The following GPCPD1 variants were observed in gnomAD, a reference collection of about 807,000 sequenced individuals.
GPCPD1 encodes the protein glycerophosphocholine phosphodiesterase 1, also known as glycerophosphocholine phosphodiesterase GPCPD1.
In GPCPD1, 29 loss-of-function variants were observed where a neutral mutation model predicts 89.2. That is an observed-to-expected ratio of 0.33 (90% CI 0.24 to 0.44). GPCPD1 has a LOEUF of 0.44. GPCPD1 is among the 20% of genes least tolerant of loss of function. GPCPD1 has a pLI of 1.00. For missense variants in GPCPD1, 594 were observed against 808.9 expected (o/e 0.73, Z 3.22); for synonymous variants, 258 against 266.3 (o/e 0.97, Z 0.30).
rs866009014 is a variant in GPCPD1, at chr20:5,547,732, G to A, written c.1948C>T (p.Pro650Ser). 5.0e-6 allele frequency: 8 copies of A among 1,610,670 alleles called. No homozygotes were observed. The highest frequency in any genetic ancestry group is 1.7e-5 in the Admixed American group (1 of 59,938). The change falls in exon 20 of 20, where the codon CCC becomes TCC. Residue 650 changes from proline (P) to serine (S), a missense_variant. By Grantham distance (74) the Pro-to-Ser change is moderately conservative. Transcript: ENST00000379019. The part of the protein sequence containing the change: ...CLCPTVSRFV[P>S]SSLCGESDIH... ...TCAGACTCCCCACACAAAGATGAGGGAACAAAGCGGCTAACAGTGGGACAC... is the reference window on the plus strand; with the variant it reads ...TCAGACTCCCCACACAAAGATGAGGAAACAAAGCGGCTAACAGTGGGACAC...
intron 8 of GPCPD1, among the ~76,000 whole-genome samples, chr20:5,577,214 G>A (rs1978293377): frequency 6.6e-6 from 1 of 151,828 alleles, no homozygotes; most frequent in African/African-American, 2.4e-5. Flanking sequence ...ACAGTCACGC[G>A]CCAACACGCC....
intron 1 of GPCPD1, among the ~76,000 whole-genome samples, chr20:5,608,207 T>A (rs1980725374): frequency 6.6e-6 from 1 of 152,202 alleles, no homozygotes; most frequent in Non-Finnish European, 1.5e-5. Flanking sequence ...TTGAGTCTTT[T>A]ATTCTCAAAG....
At chr20:5,562,407 C>T (rs1986138279) in intron 15 of GPCPD1, among the ~76,000 whole-genome samples, 1 of 152,144 alleles carries the variant, frequency 6.6e-6, no homozygotes, top group Non-Finnish European at 1.5e-5. Flanking sequence ...CTCAGCCTCC[C>T]AAGTAGCTGG....
At chr20:5,556,922 A>T (rs1317538607) in intron 19 of GPCPD1, among the ~76,000 whole-genome samples, 1 of 152,224 alleles carries the variant, frequency 6.6e-6, no homozygotes, top group Non-Finnish European at 1.5e-5. Context: ...TGTAACACAG[A>T]ATATGTGGTG....
Position 5,547,842 on chromosome 20 carries a change from T to A in GPCPD1, c.1838A>T (p.Asp613Val). Reference sequence around the variant, plus strand: ...TATATTTGGTTGTTCAGGCATCCAATCATATATCCTATGATGAAACAAATA... The same window carrying A: ...TATATTTGGTTGTTCAGGCATCCAAACATATATCCTATGATGAAACAAATA... ...VNGLIYDRIY[D>V]WMPEQPNIFQ... Residue 613 changes from aspartate to valine, a missense_variant, in exon 20 of 20, where the codon GAT (aspartate) becomes GTT (valine). Asp to Val is a radical substitution (Grantham distance 152). Transcript: ENST00000379019. 1 of 1,579,388 alleles carries A rather than the reference T, an allele frequency of 6.3e-7. No homozygotes were observed. The highest frequency in any genetic ancestry group is 1.3e-5 in the African/African-American group (1 of 74,348).
At chr20:5,610,635 T>C (rs1980903467) in intron 1 of GPCPD1, among the ~76,000 whole-genome samples, 1 of 151,890 alleles carries the variant, frequency 6.6e-6, no homozygotes, top group Admixed American at 6.6e-5. Flanking sequence ...ACAATAAAAG[T>C]CGAAGAGTGC....
chr20:5,598,601 A>G lies in GPCPD1; in HGVS notation c.146+124T>C, dbSNP rs1284738559. 4.9e-6 allele frequency: 3 copies of G among 612,866 alleles called. No homozygotes were observed. In the African/African-American group the frequency reaches 5.6e-5, roughly 11 times the overall value. 38.0% of individuals were successfully genotyped at this position (612,866 alleles called of 1,614,324 possible). On this transcript the variant is annotated intron_variant, in intron 3 of 19. Coordinates refer to ENST00000379019, the MANE Select transcript of GPCPD1 (RefSeq NM_019593.5). ...GTAAAATTATTTCACTCATAAAACT[A>G]TGCAACGTGATAATGTTGATAAAAA... is the stretch of plus-strand genomic sequence containing the variant.
intron 2 of GPCPD1, among the ~76,000 whole-genome samples, chr20:5,602,373 G>A (rs138202820): frequency 0.012 from 1,803 of 152,270 alleles, 60 homozygotes; most frequent in Admixed American, 0.061. Flanking sequence ...AGAAAATTCC[G>A]TCTTCTCTCC....
In GPCPD1 at chr20:5,593,309, T is replaced by C. The variant is rs1197437801; in HGVS notation, c.231+18A>G. 7.9e-7 allele frequency: 1 copy of C among 1,267,818 alleles called. No individual in the cohort carries two copies. 78.5% of individuals were successfully genotyped at this position (1,267,818 alleles called of 1,614,324 possible). On this transcript the variant is annotated intron_variant, in intron 4 of 19. Transcript: ENST00000379019. ...AGGAAGTGCTAAAGGAATTGGAAAC[T>C]AGATAAAGAAAACATACCTTTGGTT...
intron 2 of GPCPD1, among the ~76,000 whole-genome samples, chr20:5,601,457 C>T (rs937737973): frequency 6.7e-6 from 1 of 149,646 alleles, no homozygotes; most frequent in Admixed American, 6.7e-5. Flanking sequence ...CAACTTCTAC[C>T]TCCAGGGTTC....
rs766813361 is a variant in GPCPD1 at position 5,545,215 on chromosome 20, T to C, written c.*2446A>G. 1 of 152,172 alleles carries C rather than the reference T, an allele frequency of 6.6e-6. No homozygotes were observed. Among genetic ancestry groups the C allele is most frequent in the Non-Finnish European group, 1.5e-5 (1 of 68,028 alleles). The allele number at this position is 152,172 out of a possible 1,614,324, so 9.4% of individuals were successfully genotyped here. A position where few individuals can be genotyped will look rare whatever the true frequency, so the allele number is the denominator to read the frequency against. Reference sequence around the variant, plus strand: ...TTCTTAGTAAACATAACTAAATCTCTTAATTCAAAAGGACATTTGATACAA... The same window carrying C: ...TTCTTAGTAAACATAACTAAATCTCCTAATTCAAAAGGACATTTGATACAA... On this transcript the variant is annotated 3_prime_UTR_variant, in exon 20 of 20. Transcript: ENST00000379019.
intron 19 of GPCPD1, among the ~76,000 whole-genome samples, chr20:5,552,137 T>C (rs999806420): frequency 1.3e-5 from 2 of 152,082 alleles, no homozygotes; most frequent in Non-Finnish European, 1.5e-5. Flanking sequence ...ATTTGAATTT[T>C]AAAACTATAT....
chr20:5,551,442 CTA>C (rs1985404782), intron 19 of GPCPD1, among the ~76,000 whole-genome samples: 1 of 152,152 alleles, frequency 6.6e-6, no homozygotes. Flanking sequence ...CACAGCAACA[CTA>C]TAAAATAGCA....
intron 13 of GPCPD1, 38 bp downstream of exon 13, chr20:5,567,445 G>C (rs1181982495): frequency 6.5e-7 from 1 of 1,546,138 alleles, no homozygotes; most frequent in African/African-American, 1.4e-5. Context: ...TAGTCCTAAA[G>C]CTAAGGGATA....
chr20:5,576,954 C>T (rs540834680), intron 8 of GPCPD1, among the ~76,000 whole-genome samples: 1 of 152,060 alleles, frequency 6.6e-6, no homozygotes, highest in African/African-American at 2.4e-5. Flanking sequence ...CCTGCAATCT[C>T]AGCACTTTGA....
Position 5,593,470 on chromosome 20 carries a change from C to T in GPCPD1, c.147-59G>A. 4 of 857,718 alleles carry T rather than the reference C, an allele frequency of 4.7e-6. No individual in the cohort carries two copies. In the South Asian group the frequency reaches 5.6e-5, roughly 12 times the overall value. 53.1% of individuals were successfully genotyped at this position (857,718 alleles called of 1,614,324 possible). On this transcript the variant is annotated intron_variant, in intron 3 of 19. Transcript: ENST00000379019. ...AATATCAAACTACAGTGCATAAAGA[C>T]TTCTTAATTCACAAAACTCCTCAAA...
In GPCPD1 at chr20:5,567,500, G is replaced by T. The variant is rs895539398; in HGVS notation, c.1210C>A (p.Gln404Lys). The change falls in exon 13 of 20, where the codon CAA becomes AAA. Residue 404 changes from glutamine (Q) to lysine (K), a missense_variant. Gln to Lys is a moderately conservative substitution (Grantham distance 53). Coordinates refer to ENST00000379019, the MANE Select transcript of GPCPD1 (RefSeq NM_019593.5). ...EIPVKELTFD[Q>K]LQLLKLTHVT... The stretch of plus-strand genomic sequence containing the variant: ...ATTACTACCTTTAACAACTGGAGTT[G>T]GTCAAATGTTAATTCTTTTACTGGA... 3.0e-5 allele frequency: 47 copies of T among 1,562,538 alleles called. No homozygotes were observed. The highest frequency in any genetic ancestry group is 3.8e-5 in the Non-Finnish European group (44 of 1,162,090).
intron 3 of GPCPD1, among the ~76,000 whole-genome samples, chr20:5,594,147 A>G (rs879526682): frequency 2.0e-5 from 3 of 152,248 alleles, no homozygotes; most frequent in Admixed American, 2.0e-4. Context: ...ATAATAAACT[A>G]GTGCTATCCA....
chr20:5,593,231 A>C, intron 4 of GPCPD1, 96 bp downstream of exon 4: 1 of 684,762 alleles, frequency 1.5e-6, no homozygotes, highest in South Asian at 1.7e-5. Flanking sequence ...TATTTGACCA[A>C]AGCAAATGCA....
Sources: allele counts gnomAD v4.1 joint callset (sites outside exome capture counted in the v4.1 genomes callset), GRCh38; gene constraint gnomAD v4.1.1; transcripts MANE v1.5; gene names NCBI Gene and HGNC (gene_info 2026-07-23, HGNC 2026-07-21).